The following NMS variants were observed in gnomAD, a reference collection of about 807,000 sequenced individuals.
NMS encodes the protein neuromedin S.
Under a neutral mutation model 32.2 loss-of-function variants are expected in NMS, and 30 were observed. That is an observed-to-expected ratio of 0.93 (90% CI 0.70 to 1.26). The LOEUF (loss-of-function observed/expected upper bound fraction) is 1.26. Ranked by LOEUF, NMS falls within the 50% of genes most tolerant of loss-of-function variation. The pLI is 0.00. For missense variants in NMS, 190 were observed against 186.3 expected (o/e 1.02, Z -0.12); for synonymous variants, 76 against 58.5 (o/e 1.30, Z -1.37).
Position 100,480,842 on chromosome 2 carries a change from C to T in NMS, c.373-284C>T, listed in dbSNP as rs1023794920. On this transcript the variant is annotated intron_variant, in intron 7 of 9. Coordinates refer to ENST00000376865, the MANE Select transcript of NMS (RefSeq NM_001011717.1). ...AGGGGCCCACATGCCATTGTACAGA[C>T]TCCAATAGAGGTACTGCCAGAGCAC... 7.9e-5 allele frequency among the ~76,000 whole-genome samples: 12 copies of T among 152,180 alleles called. No homozygotes were observed. In the East Asian group the frequency reaches 9.6e-4, roughly 12 times the overall value.
intron 1 of NMS, 115 bp from the exon 2 acceptor site, chr2:100,472,680 G>A (rs2104331003): frequency 1.6e-6 from 1 of 632,912 alleles, no homozygotes; most frequent in South Asian, 2.3e-5. Flanking sequence ...TCTTTTGAAT[G>A]GTTCTTTGGT....
At chr2:100,480,578 C>A in intron 7 of NMS, 47 bp downstream of exon 7, 2 of 1,606,438 alleles carry the variant, frequency 1.2e-6, no homozygotes, top group East Asian at 2.2e-5. Context: ...AAGCCCTACC[C>A]GAGAAGGGTG....
At chr2:100,471,531 T>C (rs1341732564) in intron 1 of NMS, among the ~76,000 whole-genome samples, 1 of 152,232 alleles carries the variant, frequency 6.6e-6, no homozygotes, top group Non-Finnish European at 1.5e-5. Flanking sequence ...TCTGCCTCTT[T>C]GCTCCAGTAG....
chr2:100,479,439 T>C lies in NMS; in HGVS notation c.336+12T>C, dbSNP rs763576385. On this transcript the variant is annotated intron_variant, in intron 6 of 9. Transcript: ENST00000376865. Reference sequence around the variant, plus strand: ...GAATTCTGCAGCGAGTACGTGCTTTTATTCTTCCACCATAGTTTATGCCCC... The same window carrying C: ...GAATTCTGCAGCGAGTACGTGCTTTCATTCTTCCACCATAGTTTATGCCCC... The C allele has an allele frequency of 3.0e-5, 48 of 1,606,536 alleles. No homozygotes were observed. The highest frequency in any genetic ancestry group is 3.9e-5 in the Non-Finnish European group (46 of 1,176,042).
chr2:100,482,967 C>A (rs1018263064), intron 9 of NMS, among the ~76,000 whole-genome samples: 1 of 152,164 alleles, frequency 6.6e-6, no homozygotes, highest in South Asian at 2.1e-4. Flanking sequence ...CAGTCCAAGG[C>A]GTCTAAGAAA....
chr2:100,480,375 C>G (rs1329290459), intron 6 of NMS, 121 bp from the exon 7 acceptor site: 1 of 1,008,652 alleles, frequency 9.9e-7, no homozygotes, highest in Admixed American at 1.9e-5. Flanking sequence ...TCCACCTCCT[C>G]TTTTGCACCA....
In NMS at chr2:100,477,356, T is replaced by A. The variant is rs1261596908; in HGVS notation, c.208-5T>A. ...ATACTAATATCACTTTCTTTTCTTA[T>A]TTAGTTTTTGTTTCACTACTCCAGA... On this transcript the variant is annotated splice_region_variant and splice_polypyrimidine_tract_variant and intron_variant, in intron 4 of 9. Coordinates refer to ENST00000376865, the MANE Select transcript of NMS (RefSeq NM_001011717.1). The A allele has an allele frequency of 1.2e-6, 2 of 1,613,234 alleles. No homozygotes were observed. Among genetic ancestry groups the A allele is most frequent in the Admixed American group, 3.3e-5 (2 of 60,006 alleles).
At chr2:100,472,747 C>T (rs746535479) in intron 1 of NMS, 48 bp from the exon 2 acceptor site, 6 of 1,203,198 alleles carry the variant, frequency 5.0e-6, no homozygotes, top group Non-Finnish European at 7.4e-6. Context: ...GAAGTAAATG[C>T]TATGACCTCT....
chr2:100,478,578 C>T (rs1677156896), intron 5 of NMS, among the ~76,000 whole-genome samples: 1 of 152,050 alleles, frequency 6.6e-6, no homozygotes, highest in Non-Finnish European at 1.5e-5. Flanking sequence ...TGATCTCTTG[C>T]CTTAGCCTCC....
chr2:100,480,647 G>A lies in NMS; in HGVS notation c.372+116G>A, dbSNP rs12328602. ...CTCCAGACCAGTTCTGGGCAGAGCT[G>A]GTCTCCAAAGGACCCTGAGAATCTT... On this transcript the variant is annotated intron_variant, in intron 7 of 9. Coordinates refer to ENST00000376865, the MANE Select transcript of NMS (RefSeq NM_001011717.1). 1.3e-3 allele frequency: 1,205 copies of A among 947,702 alleles called. 9 individuals carry two copies. The African/African-American group carries it at 0.018, about 14-fold the overall frequency. 58.7% of individuals were successfully genotyped at this position (947,702 alleles called of 1,614,324 possible). A position where few individuals can be genotyped will look rare whatever the true frequency, so the allele number is the denominator to read the frequency against.
intron 8 of NMS, among the ~76,000 whole-genome samples, chr2:100,481,564 AG>A (rs1677216658): frequency 6.6e-6 from 1 of 152,232 alleles, no homozygotes; most frequent in African/African-American, 2.4e-5. Flanking sequence ...TCACAGAGTC[AG>A]AAGAGTTATC....
chr2:100,473,916 A>T (rs1414630154), intron 3 of NMS, among the ~76,000 whole-genome samples: 1 of 152,142 alleles, frequency 6.6e-6, no homozygotes, highest in African/African-American at 2.4e-5. Context: ...GGTGGCTCAC[A>T]CCTGTAATCC....
intron 8 of NMS, among the ~76,000 whole-genome samples, chr2:100,481,822 C>A (rs1677222182): frequency 6.6e-6 from 1 of 152,236 alleles, no homozygotes; most frequent in Non-Finnish European, 1.5e-5. Flanking sequence ...AGAACACAAC[C>A]TGTGTCACTT....
intron 3 of NMS, among the ~76,000 whole-genome samples, chr2:100,474,042 G>A (rs533855150): frequency 6.6e-6 from 1 of 152,080 alleles, no homozygotes; most frequent in African/African-American, 2.4e-5. Context: ...GCCGGGCAAG[G>A]TGGCGCATAC....
At chr2:100,483,226 AG>A in intron 9 of NMS, 25 bp from the exon 10 acceptor site, 1 of 1,606,922 alleles carries the variant, frequency 6.2e-7, no homozygotes. Flanking sequence ...TGAACTGAGC[AG>A]TGCATTTTTC....
Position 100,481,987 on chromosome 2 carries a change from G to A in NMS, c.415-290G>A, listed in dbSNP as rs555113537. Among the ~76,000 whole-genome samples the A allele has an allele frequency of 5.9e-5, 9 of 152,304 alleles. No homozygotes were observed. In the South Asian group the frequency reaches 1.9e-3, roughly 32 times the overall value. On this transcript the variant is annotated intron_variant, in intron 8 of 9. Transcript: ENST00000376865. Reference sequence around the variant, plus strand: ...TCTCCAGACTGGGCAGTTCTGTGTTGGATGGTTTGTGGAACCTCCCACCAC... The same window carrying A: ...TCTCCAGACTGGGCAGTTCTGTGTTAGATGGTTTGTGGAACCTCCCACCAC...
At chr2:100,483,117 G>A (rs1677250932) in intron 9 of NMS, 135 bp from the exon 10 acceptor site, 4 of 737,474 alleles carry the variant, frequency 5.4e-6, no homozygotes, top group Non-Finnish European at 9.1e-6. Context: ...TGTGGGGAAA[G>A]CAACCTGGGC....
At chr2:100,480,586 G>T in intron 7 of NMS, 55 bp downstream of exon 7, 3 of 1,598,768 alleles carry the variant, frequency 1.9e-6, no homozygotes, top group East Asian at 2.2e-5. Context: ...CCCGAGAAGG[G>T]TGGGGAAGTC....
chr2:100,471,078 C>A (rs1389812021), intron 1 of NMS, among the ~76,000 whole-genome samples: 2 of 152,214 alleles, frequency 1.3e-5, no homozygotes, highest in Non-Finnish European at 2.9e-5. Context: ...GAAGCCGCTA[C>A]CTCCCGGGGC....
Sources: allele counts gnomAD v4.1 joint callset (sites outside exome capture counted in the v4.1 genomes callset), GRCh38; gene constraint gnomAD v4.1.1; transcripts MANE v1.5; gene names NCBI Gene and HGNC (gene_info 2026-07-23, HGNC 2026-07-21).